The following AGAP1 variants were observed in gnomAD, a reference collection of about 807,000 sequenced individuals.
AGAP1 encodes ArfGAP with GTPase domain, ankyrin repeat and PH domain 1, also known as arf-GAP with GTPase, ANK repeat and PH domain-containing protein 1.
Under a neutral mutation model 105.3 loss-of-function variants are expected in AGAP1, and 29 were observed. The ratio of observed to expected loss-of-function variants is 0.28; its 90% CI spans 0.21 to 0.38. AGAP1 has a LOEUF of 0.38. Ranked by LOEUF, AGAP1 falls within the 10% of genes least tolerant of loss-of-function variation. The pLI is 1.00. For missense variants in AGAP1, 998 were observed against 1,165.1 expected, an observed-to-expected ratio of 0.86 and a Z score of 2.09; for synonymous variants, 509 against 485.9, an observed-to-expected ratio of 1.05 and a Z score of -0.63.
At chr2:235,791,427 T>G (rs1014518845) in intron 6 of AGAP1, among the ~76,000 whole-genome samples, 3 of 152,202 alleles carry the variant, frequency 2.0e-5, no homozygotes, top group African/African-American at 7.2e-5. Context: ...TTCTTTTCTT[T>G]TTTTTGTAGG....
intron 16 of AGAP1, among the ~76,000 whole-genome samples, chr2:236,102,150 GC>G (rs1559277044): frequency 6.6e-6 from 1 of 152,172 alleles, no homozygotes; most frequent in Non-Finnish European, 1.5e-5. Flanking sequence ...GGGCGCGGTG[GC>G]TCACGCCTGT....
Position 236,114,426 on chromosome 2 carries a change from A to C in AGAP1, c.2115-5766A>C, listed in dbSNP as rs2059720831. Among the ~76,000 whole-genome samples, 2 of 152,208 alleles carry C rather than the reference A, an allele frequency of 1.3e-5. No individual in the cohort carries two copies. Among genetic ancestry groups the C allele is most frequent in the Admixed American group, 1.3e-4 (2 of 15,286 alleles). ...ACTTGCGTATGGAGACGCTAGTGAG[A>C]AAGATGAAGGATGCTATCCAGAGTA... On this transcript the variant is annotated intron_variant, in intron 16 of 17. Coordinates refer to ENST00000304032, the MANE Select transcript of AGAP1 (RefSeq NM_001037131.3). The surrounding 1 kb of genome is among the most constrained non-coding windows in gnomAD (Gnocchi z 5.0).
intron 1 of AGAP1, among the ~76,000 whole-genome samples, chr2:235,515,397 C>T (rs975804002): frequency 6.6e-6 from 1 of 152,132 alleles, no homozygotes; most frequent in African/African-American, 2.4e-5. Context: ...TGGACAGCCT[C>T]ATCAGAGTGG....
In AGAP1 at chr2:235,788,712, G is replaced by T. The variant is rs1214263943; in HGVS notation, c.674-9047G>T. On this transcript the variant is annotated intron_variant, in intron 6 of 17. Transcript: ENST00000304032. This position sits in a 1 kb window ranked among gnomAD's most constrained non-coding sequence, Gnocchi z 6.0. The stretch of plus-strand genomic sequence containing the variant: ...TGACCCCCGAGGGTTCTCCAGACAG[G>T]ATCATTTGGAGCCCCTTCTTTCCCA... Among the ~76,000 whole-genome samples the T allele has an allele frequency of 6.6e-6, 1 of 152,174 alleles. No individual in the cohort carries two copies. The highest frequency in any genetic ancestry group is 1.9e-4 in the East Asian group (1 of 5,190).
intron 1 of AGAP1, among the ~76,000 whole-genome samples, chr2:235,597,626 C>T (rs896230456): frequency 2.6e-5 from 4 of 152,194 alleles, no homozygotes; most frequent in Admixed American, 2.0e-4. Flanking sequence ...GCAGCACGCC[C>T]TCGAATGACA....
At position 235,843,180 on chromosome 2, in the gene AGAP1, G is replaced by A. The variant is rs1481746377; in HGVS notation, c.1050+35849G>A. Among the ~76,000 whole-genome samples, 4 of 151,580 alleles carry A rather than the reference G, an allele frequency of 2.6e-5. No homozygotes were observed. Among genetic ancestry groups the A allele is most frequent in the Non-Finnish European group, 5.9e-5 (4 of 67,952 alleles). Reference sequence around the variant, plus strand: ...CGCTGTTCATCCCTGCAGGCTCCCTGTACCCCCAGCTCCCAGAACCCATCA... The same window carrying A: ...CGCTGTTCATCCCTGCAGGCTCCCTATACCCCCAGCTCCCAGAACCCATCA... On this transcript the variant is annotated intron_variant, in intron 9 of 17. Coordinates refer to ENST00000304032, the MANE Select transcript of AGAP1 (RefSeq NM_001037131.3). The surrounding 1 kb of genome is among the most constrained non-coding windows in gnomAD (Gnocchi z 5.9).
intron 1 of AGAP1, among the ~76,000 whole-genome samples, chr2:235,643,849 C>T (rs528741208): frequency 3.0e-4 from 46 of 152,256 alleles, no homozygotes; most frequent in Non-Finnish European, 5.9e-4. Context: ...TATGCTATCT[C>T]TTAATAGGGC....
rs1951338337 is a variant in AGAP1, at chr2:235,720,696, C to T, written c.310+3052C>T. 5.1e-6 allele frequency: 5 copies of T among 985,386 alleles called. No individual in the cohort carries two copies. In the South Asian group the frequency reaches 2.3e-4, roughly 46 times the overall value. The allele number at this position is 985,386 out of a possible 1,614,324, so 61.0% of individuals were successfully genotyped here. ...CGCTTCTTAATGTCTGTGCCCTGTT[C>T]TTCTGATTTAATTAGTGCGTGAGTA... On this transcript the variant is annotated intron_variant, in intron 3 of 17. Coordinates refer to ENST00000304032, the MANE Select transcript of AGAP1 (RefSeq NM_001037131.3). This position sits in a 1 kb window ranked among gnomAD's most constrained non-coding sequence, Gnocchi z 5.0.
chr2:235,741,011 T>C lies in AGAP1; in HGVS notation c.359T>C (p.Leu120Pro), dbSNP rs1559419930. The change falls in exon 4 of 18, where the codon CTG becomes CCG. Residue 120 changes from leucine (L) to proline (P), a missense_variant. Transcript: ENST00000304032. The surrounding 1 kb of genome is among the most constrained non-coding windows in gnomAD (Gnocchi z 4.9). ...EIVVDGQSYL[L>P]LIRDEGGPPE... ...GTCGTTGATGGACAGAGCTATCTGC[T>C]GCTGATCAGAGATGAAGGGGGCCCC... is the stretch of plus-strand genomic sequence containing the variant. The C allele has an allele frequency of 6.2e-7, 1 of 1,614,194 alleles. No homozygotes were observed.
intron 8 of AGAP1, among the ~76,000 whole-genome samples, chr2:235,804,568 G>A (rs1332222143): frequency 2.0e-5 from 3 of 152,252 alleles, no homozygotes; most frequent in African/African-American, 4.8e-5. Flanking sequence ...GATACAGAGG[G>A]CTCTTGGCAA....
In AGAP1 at chr2:235,642,030, A is replaced by G. The variant is rs1014811343; in HGVS notation, c.164-67149A>G. 1.3e-5 allele frequency among the ~76,000 whole-genome samples: 2 copies of G among 152,146 alleles called. No homozygotes were observed. The highest frequency in any genetic ancestry group is 4.8e-5 in the African/African-American group (2 of 41,410). On this transcript the variant is annotated intron_variant, in intron 1 of 17. Transcript: ENST00000304032. This position sits in a 1 kb window ranked among gnomAD's most constrained non-coding sequence, Gnocchi z 4.1. ...ATTTCTTCAGGTATCTTCTTACATC[A>G]TCTTGCTTCTTTACTCAGCATAAAG...
chr2:236,065,105 A>G (rs993884267), intron 16 of AGAP1, among the ~76,000 whole-genome samples: 10 of 152,230 alleles, frequency 6.6e-5, no homozygotes, highest in Non-Finnish European at 1.5e-4. Context: ...GACAGACAGC[A>G]GCTTATCGGA....
At chr2:235,935,396 A>G (rs2125178766) in intron 12 of AGAP1, among the ~76,000 whole-genome samples, 1 of 152,340 alleles carries the variant, frequency 6.6e-6, no homozygotes. Context: ...CCAGGAGTAC[A>G]TGAAAAATTA....
In AGAP1 at chr2:235,750,229, C is replaced by T. The variant is rs1386446889; in HGVS notation, c.539-125C>T. On this transcript the variant is annotated intron_variant, in intron 5 of 17. Coordinates refer to ENST00000304032, the MANE Select transcript of AGAP1 (RefSeq NM_001037131.3). The surrounding 1 kb of genome is among the most constrained non-coding windows in gnomAD (Gnocchi z 5.3). ...GGGAGGCAAACGATGCTCTACAATT[C>T]CAGATTCATAAACTAATTACATTTC... 5 of 1,372,312 alleles carry T rather than the reference C, an allele frequency of 3.6e-6. No individual in the cohort carries two copies. The highest frequency in any genetic ancestry group is 2.3e-5 in the East Asian group (1 of 42,872). 85.0% of individuals were successfully genotyped at this position (1,372,312 alleles called of 1,614,324 possible).
intron 13 of AGAP1, among the ~76,000 whole-genome samples, chr2:236,008,430 A>T (rs1444185874): frequency 6.6e-6 from 1 of 152,218 alleles, no homozygotes; most frequent in Non-Finnish European, 1.5e-5. Flanking sequence ...TCATCTGACA[A>T]TGTGCAAAAC....
intron 6 of AGAP1, among the ~76,000 whole-genome samples, chr2:235,783,914 G>T (rs1054272132): frequency 1.3e-5 from 2 of 152,114 alleles, no homozygotes; most frequent in African/African-American, 4.8e-5. Context: ...GAAATGTGTG[G>T]GAGTGAACTG....
chr2:235,785,410 G>A lies in AGAP1; in HGVS notation c.674-12349G>A, dbSNP rs567764320. Among the ~76,000 whole-genome samples the A allele has an allele frequency of 1.1e-3, 172 of 152,226 alleles. 1 individual carries two copies. Among genetic ancestry groups the A allele is most frequent in the African/African-American group, 3.9e-3 (161 of 41,554 alleles). On this transcript the variant is annotated intron_variant, in intron 6 of 17. Coordinates refer to ENST00000304032, the MANE Select transcript of AGAP1 (RefSeq NM_001037131.3). ...TTTTTTAAAAAGAAAACCAATTATTGCACTTAACTGGATCTGTCTCAAGGT... is the reference window on the plus strand; with the variant it reads ...TTTTTTAAAAAGAAAACCAATTATTACACTTAACTGGATCTGTCTCAAGGT...
In AGAP1 at chr2:236,090,333, A is replaced by G. The variant is rs909306062; in HGVS notation, c.2115-29859A>G. ...CAAGAGCATGATAGAAATATTCAGA[A>G]GCAGACATAATTATTTCAATTACTT... On this transcript the variant is annotated intron_variant, in intron 16 of 17. Transcript: ENST00000304032. The surrounding 1 kb of genome is among the most constrained non-coding windows in gnomAD (Gnocchi z 4.3). Among the ~76,000 whole-genome samples the G allele has an allele frequency of 2.6e-5, 4 of 152,366 alleles. No homozygotes were observed. The highest frequency in any genetic ancestry group is 2.6e-4 in the Admixed American group (4 of 15,306).
At chr2:235,686,588 C>CACACACAT (rs1553605459) in intron 1 of AGAP1, among the ~76,000 whole-genome samples, 3 of 108,508 alleles carry the variant, frequency 2.8e-5, no homozygotes, top group African/African-American at 1.0e-4. Flanking sequence ...CACACACACA[C>CACACACAT]GTGTGTGTGT....
Sources: allele counts gnomAD v4.1 joint callset (sites outside exome capture counted in the v4.1 genomes callset), GRCh38; gene constraint gnomAD v4.1.1; non-coding constraint Gnocchi (gnomAD v3.1); transcripts MANE v1.5; gene names NCBI Gene and HGNC (gene_info 2026-07-23, HGNC 2026-07-21).